HEATR4: variants seen among roughly 807,000 people sequenced by gnomAD.
HEATR4 encodes HEAT repeat containing 4, also known as HEAT repeat-containing protein 4.
Under a neutral mutation model 108.8 loss-of-function variants are expected in HEATR4, and 95 were observed. The ratio of observed to expected loss-of-function variants is 0.87; its 90% confidence interval spans 0.74 to 1.04. HEATR4 has a LOEUF of 1.04. Ranked by LOEUF, HEATR4 falls within the 50% of genes least tolerant of loss-of-function variation. The probability of loss-of-function intolerance (pLI) is 0.00; values close to 1 mark genes in which losing one functional copy is unlikely to be tolerated. For missense variants in HEATR4, 1,152 were observed against 1,253.8 expected (o/e 0.92, Z 1.23); for synonymous variants, 443 against 459.4 (o/e 0.96, Z 0.46).
chr14:73,569,704 T>C, the HEATR4 span: 1 of 1,609,710 alleles, frequency 6.2e-7, no homozygotes, highest in Non-Finnish European at 8.5e-7. Context: ...TTGGTGCGGC[T>C]GGTGAAGCGC....
chr14:73,629,927 G>A, the HEATR4 span, among the ~76,000 whole-genome samples: 895 of 151,672 alleles, frequency 5.9e-3, 14 homozygotes, highest in African/African-American at 0.021. Flanking sequence ...GATTACAGAC[G>A]TGAACCACCA....
At chr14:73,619,583 T>G in the HEATR4 span, 2 of 1,614,100 alleles carry the variant, frequency 1.2e-6, no homozygotes, top group African/African-American at 2.7e-5. Flanking sequence ...TATGCTCAGA[T>G]AGCCTCTGAA....
chr14:73,528,392 CAAAAAAAAAAA>C (rs371875141), intron 2 of HEATR4, among the ~76,000 whole-genome samples: 1 of 88,518 alleles, frequency 1.1e-5, no homozygotes, highest in Non-Finnish European at 2.0e-5. Context: ...AACTTCATCT[CAAAAAAAAAAA>C]AAAAAAAAAA....
At position 73,496,678 on chromosome 14, in the gene HEATR4, C is replaced by A; in HGVS notation, c.2548G>T (p.Glu850Ter). Reference sequence around the variant, plus strand: ...AGTATCTTCATTGTCTGGTACATTTCTCTGAAAGATAAGAAGGGCTTCTTA... The same window carrying A: ...AGTATCTTCATTGTCTGGTACATTTATCTGAAAGATAAGAAGGGCTTCTTA... The part of the protein sequence containing the change: ...LLENHDAVLK[E>*]MYQTMKILNL... The change falls in exon 15 of 18, where the codon GAA (glutamate) becomes TAA (stop). Residue 850 changes from glutamate (E) to a stop codon, truncating the protein, a stop_gained and splice_region_variant. Coordinates refer to ENST00000553558, the MANE Select transcript of HEATR4 (RefSeq NM_001220484.1). LOFTEE classifies it high-confidence loss of function. 6.4e-7 allele frequency: 1 copy of A among 1,553,516 alleles called. No individual in the cohort carries two copies. The highest frequency in any genetic ancestry group is 8.9e-7 in the Non-Finnish European group (1 of 1,125,428).
In HEATR4 at chr14:73,492,210, A is replaced by AT. The variant is rs1566820607; in HGVS notation, c.2844+855dup. On this transcript the variant is annotated intron_variant, in intron 17 of 17. Transcript: ENST00000553558. This position sits in a 1 kb window ranked among gnomAD's most constrained non-coding sequence, Gnocchi z 4.9. ...GTGCTGGAACCTGGAGATTTGCTGTATTTTCCTCGGGGCTTCATTCACCAA... is the reference window on the plus strand; with the variant it reads ...GTGCTGGAACCTGGAGATTTGCTGTATTTTTCCTCGGGGCTTCATTCACCAA... 1 of 1,613,806 alleles carries AT rather than the reference A, an allele frequency of 6.2e-7. No individual in the cohort carries two copies. Among genetic ancestry groups the AT allele is most frequent in the South Asian group, 1.1e-5 (1 of 91,070 alleles).
the HEATR4 span, chr14:73,595,535 A>T: frequency 6.2e-7 from 1 of 1,611,002 alleles, no homozygotes; most frequent in Admixed American, 1.7e-5. Flanking sequence ...CAAACATGTT[A>T]TATGGGGTGG....
chr14:73,512,150 C>CT lies in HEATR4; in HGVS notation c.1415-2dup. 1 of 1,614,138 alleles carries CT rather than the reference C, an allele frequency of 6.2e-7. No homozygotes were observed. The highest frequency in any genetic ancestry group is 1.7e-5 in the Admixed American group (1 of 60,012). On this transcript the variant is annotated splice_acceptor_variant, in intron 6 of 17. Transcript: ENST00000553558. LOFTEE classifies it high-confidence loss of function. ...ACTGTCTCATGGTGCCACTCTATGACTGAGCCGCAGTGAGGGAAATGAAAA... is the reference window on the plus strand; with the variant it reads ...ACTGTCTCATGGTGCCACTCTATGACTTGAGCCGCAGTGAGGGAAATGAAAA...
In HEATR4 at chr14:73,535,469, C is replaced by CTTTT. The variant is rs869167008; in HGVS notation, c.-151-5229_-151-5226dup. 2.4e-3 allele frequency among the ~76,000 whole-genome samples: 39 copies of CTTTT among 16,524 alleles called. 2 individuals carry two copies. The highest frequency in any genetic ancestry group is 8.3e-3 in the Non-Finnish European group (30 of 3,608). 10.8% of individuals were successfully genotyped at this position (16,524 alleles called of 152,430 possible). ...CCTTTTTCTTTTCTTTTTCTTCTTT[C>CTTTT]TTTTTTTTTTTTTTTTTTTTTTTTT... On this transcript the variant is annotated intron_variant, in intron 1 of 17. Coordinates refer to ENST00000553558, the MANE Select transcript of HEATR4 (RefSeq NM_001220484.1).
intron 11 of HEATR4, among the ~76,000 whole-genome samples, chr14:73,502,635 C>T (rs529716151): frequency 1.1e-4 from 17 of 152,180 alleles, no homozygotes; most frequent in African/African-American, 4.1e-4. Flanking sequence ...GCAACCTCCG[C>T]CTCCCAGGTT....
chr14:73,586,741 G>C, the HEATR4 span, among the ~76,000 whole-genome samples: 1 of 150,926 alleles, frequency 6.6e-6, no homozygotes, highest in African/African-American at 2.4e-5. Flanking sequence ...GGACAGTCTT[G>C]CTCTGATGCC....
intron 9 of HEATR4, 88 bp downstream of exon 9, chr14:73,508,046 C>T: frequency 1.6e-6 from 2 of 1,271,664 alleles, no homozygotes; most frequent in Non-Finnish European, 2.3e-6. Flanking sequence ...GCCCCGGCCC[C>T]AGCTGCATTT....
chr14:73,528,233 A>G (rs960851871), intron 2 of HEATR4, among the ~76,000 whole-genome samples: 2 of 151,828 alleles, frequency 1.3e-5, no homozygotes, highest in Non-Finnish European at 2.9e-5. Context: ...CATCTCTACT[A>G]AAAATACAAA....
At chr14:73,565,655 C>T in the HEATR4 span, among the ~76,000 whole-genome samples, 1 of 151,778 alleles carries the variant, frequency 6.6e-6, no homozygotes, top group African/African-American at 2.4e-5. Context: ...AAGCTGCGGA[C>T]CTTCGTGGTG....
At chr14:73,478,938 C>T in intron 17 of HEATR4, 96 bp from the exon 18 acceptor site, 1 of 880,746 alleles carries the variant, frequency 1.1e-6, no homozygotes, top group Non-Finnish European at 1.7e-6. Context: ...TAGGGTGTCT[C>T]CTTTTTTTTT....
intron 1 of HEATR4, among the ~76,000 whole-genome samples, chr14:73,547,074 A>G: frequency 9.3e-6 from 1 of 107,130 alleles, no homozygotes; most frequent in Admixed American, 1.1e-4. Context: ...CAACAAGAGC[A>G]AAACTCCGTC....
chr14:73,576,821 G>GAAAAC, the HEATR4 span, among the ~76,000 whole-genome samples: 1 of 61,758 alleles, frequency 1.6e-5, no homozygotes, highest in Non-Finnish European at 3.3e-5. Flanking sequence ...AAAAAAAAAA[G>GAAAAC]ACAATATTTA....
In HEATR4 at chr14:73,498,166, A is replaced by G; in HGVS notation, c.2535T>C (p.Asp845=). The G allele has an allele frequency of 1.2e-6, 2 of 1,611,898 alleles. No individual in the cohort carries two copies. The highest frequency in any genetic ancestry group is 1.3e-5 in the African/African-American group (1 of 74,972). ...FLDVLLLENH[D]AVLKEMYQTM... is the part of the protein sequence containing the mutation. ...GGTTTAGTGCTTACTTTAGAACAGC[A>G]TCGTGGTTCTCCAGGAGCAGCACGT... The change falls in exon 14 of 18, where the codon GAT becomes GAC. Residue 845 remains aspartate, a synonymous_variant. Coordinates refer to ENST00000553558, the MANE Select transcript of HEATR4 (RefSeq NM_001220484.1).
chr14:73,579,903 G>C, the HEATR4 span, among the ~76,000 whole-genome samples: 1 of 151,962 alleles, frequency 6.6e-6, no homozygotes, highest in South Asian at 2.1e-4. Context: ...GAGCAGCCTG[G>C]CCAACATGGT....
chr14:73,625,459 T>G, the HEATR4 span, among the ~76,000 whole-genome samples: 1 of 152,114 alleles, frequency 6.6e-6, no homozygotes, highest in East Asian at 1.9e-4. Context: ...CCTCCCAGGT[T>G]CAAGCAATTC....
Sources: allele counts gnomAD v4.1 joint callset (sites outside exome capture counted in the v4.1 genomes callset), GRCh38; gene constraint gnomAD v4.1.1; non-coding constraint Gnocchi (gnomAD v3.1); transcripts MANE v1.5; gene names NCBI Gene and HGNC (gene_info 2026-07-23, HGNC 2026-07-21).